ZHX3: variants seen among roughly 807,000 people sequenced by gnomAD.
ZHX3 encodes zinc fingers and homeoboxes protein 3.
In ZHX3, 20 loss-of-function variants were observed where a neutral mutation model predicts 64.5. The ratio of observed to expected loss-of-function variants is 0.31; its 90% CI spans 0.22 to 0.45. ZHX3 has a LOEUF of 0.45. Among genes scored for constraint, ZHX3 ranks in the 20% least tolerant of loss-of-function variants. The probability of loss-of-function intolerance (pLI) is 1.00; values close to 1 mark genes in which losing one functional copy is unlikely to be tolerated. For synonymous variants in ZHX3, 423 were observed against 461.6 expected (o/e 0.92, Z 1.07); for missense variants, 1,041 against 1,195.8 (o/e 0.87, Z 1.91).
At chr20:41,295,826 G>C (rs1223423155) in intron 1 of ZHX3, among the ~76,000 whole-genome samples, 2 of 151,634 alleles carry the variant, frequency 1.3e-5, no homozygotes, top group African/African-American at 4.8e-5. Flanking sequence ...ACTCCAGCCT[G>C]GGCGACACAA....
At chr20:41,304,792 C>T (rs796292360) in intron 1 of ZHX3, among the ~76,000 whole-genome samples, 8 of 152,358 alleles carry the variant, frequency 5.3e-5, no homozygotes, top group African/African-American at 1.9e-4. Context: ...ATATCCCCAG[C>T]ATCTTACACA....
At chr20:41,210,829 T>TA (rs1320363494) in intron 2 of ZHX3, among the ~76,000 whole-genome samples, 4 of 152,194 alleles carry the variant, frequency 2.6e-5, no homozygotes, top group Non-Finnish European at 5.9e-5. Flanking sequence ...CCCTAAAACT[T>TA]AAAGTATAAT....
rs1011708865 is a variant in ZHX3, at chr20:41,201,746, A to G, written c.2860+311T>C. Among the ~76,000 whole-genome samples, 11 of 152,172 alleles carry G rather than the reference A, an allele frequency of 7.2e-5. No homozygotes were observed. Among genetic ancestry groups the G allele is most frequent in the African/African-American group, 2.7e-4 (11 of 41,440 alleles). ...GCTGTGGATCTGCCCGACTCAGAGG[A>G]TGTTTTGACCTGTTCTCCTATTGCT... On this transcript the variant is annotated intron_variant, in intron 3 of 3. Transcript: ENST00000683867. The surrounding 1 kb of genome is among the most constrained non-coding windows in gnomAD (Gnocchi z 5.0).
In ZHX3 at chr20:41,202,675, C is replaced by T. The variant is rs577676660; in HGVS notation, c.2242G>A (p.Ala748Thr). The change falls in exon 3 of 4, where the codon GCC becomes ACC. Residue 748 changes from alanine to threonine, a missense_variant. Ala to Thr is a moderately conservative substitution (Grantham distance 58). Coordinates refer to ENST00000683867, the MANE Select transcript of ZHX3 (RefSeq NM_001384317.1). The surrounding 1 kb of genome is among the most constrained non-coding windows in gnomAD (Gnocchi z 7.0). Reference protein sequence around the residue: ...NGRNEIPGLGACDPEDDESNK... With the variant: ...NGRNEIPGLGTCDPEDDESNK... Reference sequence around the variant, plus strand: ...GACTCATCATCCTCAGGGTCACAGGCACCCAGCCCTGGAATCTCGTTCCTG... The same window carrying T: ...GACTCATCATCCTCAGGGTCACAGGTACCCAGCCCTGGAATCTCGTTCCTG... 3.1e-4 allele frequency: 495 copies of T among 1,614,110 alleles called. 5 individuals carry two copies. The South Asian group carries it at 5.0e-3, about 16-fold the overall frequency.
intron 1 of ZHX3, among the ~76,000 whole-genome samples, chr20:41,279,057 G>A (rs763022934): frequency 1.3e-5 from 2 of 152,156 alleles, no homozygotes; most frequent in African/African-American, 4.8e-5. Context: ...GATTCCAGAC[G>A]TGAGCCACTG....
intron 2 of ZHX3, among the ~76,000 whole-genome samples, chr20:41,241,990 T>G (rs988964130): frequency 6.6e-6 from 1 of 151,696 alleles, no homozygotes; most frequent in African/African-American, 2.4e-5. Flanking sequence ...TGAGTGTGCA[T>G]GTGTGTGTGT....
intron 1 of ZHX3, among the ~76,000 whole-genome samples, chr20:41,297,986 A>G (rs2044621963): frequency 6.6e-6 from 1 of 152,242 alleles, no homozygotes; most frequent in South Asian, 2.1e-4. Context: ...CTAAAGATAT[A>G]GAGCTAAGGA....
chr20:41,199,587 C>T (rs967027975), intron 3 of ZHX3, among the ~76,000 whole-genome samples: 1 of 152,038 alleles, frequency 6.6e-6, no homozygotes, highest in South Asian at 2.1e-4. Context: ...GGTACTGTCT[C>T]TTTAAATCCC....
At chr20:41,289,773 G>C (rs1425770403) in intron 1 of ZHX3, among the ~76,000 whole-genome samples, 2 of 150,218 alleles carry the variant, frequency 1.3e-5, no homozygotes, top group Non-Finnish European at 3.0e-5. Flanking sequence ...ACCGAGAAAT[G>C]ATCCTGTCTT....
At chr20:41,259,705 C>CTA (rs999232967) in intron 2 of ZHX3, among the ~76,000 whole-genome samples, 7 of 152,010 alleles carry the variant, frequency 4.6e-5, no homozygotes, top group South Asian at 2.1e-4. Context: ...GGCATGAAAC[C>CTA]TATATATATG....
At chr20:41,189,351 G>C (rs1488027692) in intron 3 of ZHX3, among the ~76,000 whole-genome samples, 1 of 152,038 alleles carries the variant, frequency 6.6e-6, no homozygotes, top group Non-Finnish European at 1.5e-5. Context: ...ACAAATTTTA[G>C]GGTTTTTTTC....
intron 1 of ZHX3, among the ~76,000 whole-genome samples, chr20:41,309,687 T>C (rs1393251223): frequency 6.6e-6 from 1 of 152,108 alleles, no homozygotes; most frequent in African/African-American, 2.4e-5. Context: ...TCCTGCAGGG[T>C]AACCACAACA....
chr20:41,214,411 A>T (rs754021524), intron 2 of ZHX3, among the ~76,000 whole-genome samples: 25 of 152,242 alleles, frequency 1.6e-4, no homozygotes, highest in Non-Finnish European at 2.4e-4. Context: ...CAGAAGCTGA[A>T]TAAGAACCCA....
intron 1 of ZHX3, among the ~76,000 whole-genome samples, chr20:41,292,683 G>GT (rs2044310293): frequency 6.6e-6 from 1 of 152,088 alleles, no homozygotes; most frequent in Non-Finnish European, 1.5e-5. Flanking sequence ...TTCCAATAGA[G>GT]TAAGAAAAAA....
chr20:41,274,152 A>T (rs914166698), intron 1 of ZHX3, among the ~76,000 whole-genome samples: 2 of 152,204 alleles, frequency 1.3e-5, no homozygotes, highest in Non-Finnish European at 2.9e-5. Flanking sequence ...ATGAAGGTAA[A>T]TTATGTAACG....
intron 3 of ZHX3, chr20:41,188,566 C>T (rs2036734859): frequency 6.6e-6 from 1 of 152,022 alleles, no homozygotes; most frequent in Non-Finnish European, 1.5e-5. Flanking sequence ...TGTGCCACTA[C>T]ACCCGACTAA....
At chr20:41,313,885 C>T (rs911915219) in intron 1 of ZHX3, among the ~76,000 whole-genome samples, 2 of 152,124 alleles carry the variant, frequency 1.3e-5, no homozygotes, top group East Asian at 1.9e-4. Context: ...CATGAGCCAC[C>T]ACGCCCAGCC....
intron 1 of ZHX3, among the ~76,000 whole-genome samples, chr20:41,295,233 A>G (rs569359985): frequency 5.3e-5 from 8 of 152,366 alleles, no homozygotes; most frequent in African/African-American, 1.7e-4. Context: ...ATATTTATAA[A>G]GAAAAATAAT....
Position 41,317,529 on chromosome 20 carries a change from GGCGCCC to G in ZHX3, c.-271_-266del, listed in dbSNP as rs1388812659. 1 of 148,222 alleles carries G rather than the reference GGCGCCC, an allele frequency of 6.7e-6. No individual in the cohort carries two copies. The highest frequency in any genetic ancestry group is 1.5e-5 in the Non-Finnish European group (1 of 66,572). 9.2% of individuals were successfully genotyped at this position (148,222 alleles called of 1,614,324 possible). A position where few individuals can be genotyped will look rare whatever the true frequency, so the allele number is the denominator to read the frequency against. ...CTCACCTGGCAGCGGCGGCGGTGGC[GGCGCCC>G]GCGACCGGGCCGCTCTTCCCGCGCT... On this transcript the variant is annotated 5_prime_UTR_variant, in exon 1 of 4. Transcript: ENST00000683867.
Sources: allele counts gnomAD v4.1 joint callset (sites outside exome capture counted in the v4.1 genomes callset), GRCh38; gene constraint gnomAD v4.1.1; non-coding constraint Gnocchi (gnomAD v3.1); transcripts MANE v1.5; gene names NCBI Gene and HGNC (gene_info 2026-07-23, HGNC 2026-07-21).